SHC3: variants seen among roughly 807,000 people sequenced by gnomAD.
The protein encoded by SHC3 is SHC-transforming protein 3.
Under a neutral mutation model 60.4 loss-of-function variants are expected in SHC3, and 15 were observed. That is an observed-to-expected ratio of 0.25 (90% confidence interval 0.17 to 0.38). The LOEUF (loss-of-function observed/expected upper bound fraction) is 0.38, where lower values mean the gene tolerates loss of function less well. SHC3 is among the 10% of genes least tolerant of loss of function. SHC3 has a pLI of 1.00. For synonymous variants in SHC3, 294 were observed against 325.9 expected, an observed-to-expected ratio of 0.90 and a Z score of 1.05; for missense variants, 677 against 786.1, an observed-to-expected ratio of 0.86 and a Z score of 1.66.
chr9:89,110,311 T>C, intron 2 of SHC3: 1 of 984,752 alleles, frequency 1.0e-6, no homozygotes. Context: ...TATAAAAATA[T>C]TTTTTAATAA....
intron 2 of SHC3, among the ~76,000 whole-genome samples, chr9:89,102,201 ACTT>A (rs1337419658): frequency 1.3e-5 from 2 of 152,096 alleles, no homozygotes; most frequent in Admixed American, 1.3e-4. Context: ...GGTCATTTGA[ACTT>A]CTCTCTCTCT....
chr9:89,088,528 C>T (rs1355436299), intron 2 of SHC3: 1 of 152,048 alleles, frequency 6.6e-6, no homozygotes, highest in Non-Finnish European at 1.5e-5. Context: ...CTGTTTTTGT[C>T]AAAAAGATGA....
intron 2 of SHC3, among the ~76,000 whole-genome samples, chr9:89,104,135 T>C (rs1239290977): frequency 6.6e-6 from 1 of 152,126 alleles, no homozygotes; most frequent in Non-Finnish European, 1.5e-5. Flanking sequence ...ATCTATGTTC[T>C]CCATTTTTAA....
In SHC3 at chr9:89,017,548, G is replaced by C. The variant is rs551464171; in HGVS notation, c.1657-3973C>G. 3.9e-5 allele frequency among the ~76,000 whole-genome samples: 6 copies of C among 152,238 alleles called. No individual in the cohort carries two copies. In the East Asian group the frequency reaches 1.2e-3, roughly 29 times the overall value. On this transcript the variant is annotated intron_variant, in intron 11 of 11. Transcript: ENST00000375835. ...AAGACCTAAAACCATAAAAACCCTA[G>C]AAGAAAACCTAGGCAATACATTCAG...
chr9:89,129,576 A>T (rs950306460), intron 1 of SHC3, among the ~76,000 whole-genome samples: 1 of 152,224 alleles, frequency 6.6e-6, no homozygotes, highest in African/African-American at 2.4e-5. Flanking sequence ...AAACTCTACA[A>T]GCCAGAAGAG....
intron 1 of SHC3, among the ~76,000 whole-genome samples, chr9:89,120,428 G>C (rs993522558): frequency 1.2e-4 from 18 of 152,136 alleles, no homozygotes; most frequent in Non-Finnish European, 2.2e-4. Flanking sequence ...GAAATTCACA[G>C]AAGAAAGGCA....
intron 1 of SHC3, among the ~76,000 whole-genome samples, chr9:89,149,977 A>G (rs994736707): frequency 7.9e-5 from 12 of 152,180 alleles, no homozygotes; most frequent in African/African-American, 2.9e-4. Flanking sequence ...AATCCCAGTT[A>G]TCAGGCTGAC....
chr9:89,036,930 A>G (rs1200936216), intron 11 of SHC3, among the ~76,000 whole-genome samples: 2 of 147,852 alleles, frequency 1.4e-5, no homozygotes, highest in African/African-American at 5.1e-5. Flanking sequence ...AGGCACAAAC[A>G]CAAAATATGT....
chr9:89,111,493 C>A (rs1825946137), intron 2 of SHC3, among the ~76,000 whole-genome samples: 1 of 151,752 alleles, frequency 6.6e-6, no homozygotes, highest in South Asian at 2.1e-4. Context: ...CCATTTTCTA[C>A]AAATATGTGG....
intron 11 of SHC3, among the ~76,000 whole-genome samples, chr9:89,023,864 C>G (rs1341049581): frequency 6.6e-6 from 1 of 152,220 alleles, no homozygotes; most frequent in East Asian, 1.9e-4. Context: ...TTGCCTAGAC[C>G]TGTGGTTCCC....
At chr9:89,032,392 A>C (rs571288294) in intron 11 of SHC3, among the ~76,000 whole-genome samples, 1 of 152,128 alleles carries the variant, frequency 6.6e-6, no homozygotes, top group Admixed American at 6.6e-5. Context: ...CCCACAGGAA[A>C]CCCACCCACC....
At position 89,166,840 on chromosome 9, in the gene SHC3, T is replaced by C. The variant is rs546524531; in HGVS notation, c.474+11147A>G. On this transcript the variant is annotated intron_variant, in intron 1 of 11. Coordinates refer to ENST00000375835, the MANE Select transcript of SHC3 (RefSeq NM_016848.6). ...GTGTCTCTCTCCCTGTATATGTAATTATAAGACAGGCGAAGGTAATAAGTA... is the reference window on the plus strand; with the variant it reads ...GTGTCTCTCTCCCTGTATATGTAATCATAAGACAGGCGAAGGTAATAAGTA... Among the ~76,000 whole-genome samples the C allele has an allele frequency of 3.3e-5, 5 of 152,146 alleles. No individual in the cohort carries two copies. In the East Asian group the frequency reaches 9.7e-4, roughly 29 times the overall value.
chr9:89,028,345 G>A (rs956857877), intron 11 of SHC3, among the ~76,000 whole-genome samples: 2 of 152,030 alleles, frequency 1.3e-5, no homozygotes, highest in Admixed American at 1.3e-4. Flanking sequence ...ATCTCATGGT[G>A]TAAGAATGCC....
intron 1 of SHC3, among the ~76,000 whole-genome samples, chr9:89,166,371 C>T (rs914112409): frequency 2.0e-5 from 3 of 152,104 alleles, no homozygotes; most frequent in Non-Finnish European, 2.9e-5. Flanking sequence ...AATAGATACC[C>T]GTTGAATAAA....
At chr9:89,094,937 CA>C (rs1258264065) in intron 2 of SHC3, among the ~76,000 whole-genome samples, 1 of 150,450 alleles carries the variant, frequency 6.6e-6, no homozygotes, top group African/African-American at 2.4e-5. Context: ...ACAACAACAA[CA>C]AAAAAAACCA....
At chr9:89,106,027 C>T (rs953221358) in intron 2 of SHC3, among the ~76,000 whole-genome samples, 15 of 152,198 alleles carry the variant, frequency 9.9e-5, no homozygotes, top group African/African-American at 3.6e-4. Flanking sequence ...CCAGGTGCAG[C>T]CACAGCACTT....
chr9:89,094,736 ATGG>A (rs1362942472), intron 2 of SHC3, among the ~76,000 whole-genome samples: 2 of 152,146 alleles, frequency 1.3e-5, no homozygotes, highest in African/African-American at 2.4e-5. Flanking sequence ...TGGAAGGAAG[ATGG>A]TGAGGTCAGT....
chr9:89,030,463 C>A (rs1192152648), intron 11 of SHC3, among the ~76,000 whole-genome samples: 1 of 152,042 alleles, frequency 6.6e-6, no homozygotes, highest in African/African-American at 2.4e-5. Context: ...GGACAAATTC[C>A]TAGAAAGACA....
chr9:89,169,768 G>A (rs766807700), intron 1 of SHC3, among the ~76,000 whole-genome samples: 8 of 152,118 alleles, frequency 5.3e-5, no homozygotes, highest in Non-Finnish European at 1.2e-4. Context: ...TTTGTCCCTG[G>A]GGCCTCATTT....
Sources: allele counts gnomAD v4.1 joint callset (sites outside exome capture counted in the v4.1 genomes callset), GRCh38; gene constraint gnomAD v4.1.1; transcripts MANE v1.5; gene names NCBI Gene and HGNC (gene_info 2026-07-23, HGNC 2026-07-21).